Variants in DENND1B observed in about 807,000 individuals in gnomAD.
DENND1B encodes the protein DENN domain containing 1B, also known as DENN domain-containing protein 1B.
DENND1B carries 59 observed loss-of-function variants against 90.1 expected under a neutral mutation model. The observed-to-expected ratio is 0.65, with a 90% CI of 0.53 to 0.81. The LOEUF (loss-of-function observed/expected upper bound fraction) is 0.81, where lower values mean the gene tolerates loss of function less well. Among genes scored for constraint, DENND1B ranks in the 40% least tolerant of loss-of-function variants. DENND1B has a pLI of 0.00. For synonymous variants in DENND1B, 337 were observed against 324.6 expected, an observed-to-expected ratio of 1.04 and a Z score of -0.41; for missense variants, 862 against 912.6, an observed-to-expected ratio of 0.94 and a Z score of 0.71.
intron 2 of DENND1B, among the ~76,000 whole-genome samples, chr1:197,750,706 G>A (rs1450088232): frequency 6.6e-6 from 1 of 152,130 alleles, no homozygotes; most frequent in Non-Finnish European, 1.5e-5. Flanking sequence ...AGGCAGAGCA[G>A]TTCTATTCAT....
chr1:197,751,712 C>T (rs1316837897), intron 2 of DENND1B, among the ~76,000 whole-genome samples: 1 of 151,824 alleles, frequency 6.6e-6, no homozygotes, highest in African/African-American at 2.4e-5. Flanking sequence ...GGCGTGGTAG[C>T]ATGTGCCTCT....
chr1:197,690,355 C>T (rs139889850), intron 3 of DENND1B: 56 of 171,552 alleles, frequency 3.3e-4, no homozygotes, highest in African/African-American at 1.3e-3. Flanking sequence ...TGTCACACAG[C>T]TTATGTTGCT....
chr1:197,574,856 T>A (rs1461869688), intron 15 of DENND1B, among the ~76,000 whole-genome samples: 2 of 152,196 alleles, frequency 1.3e-5, no homozygotes, highest in Non-Finnish European at 2.9e-5. Flanking sequence ...ATTCCCGATT[T>A]AATAAATGGT....
At chr1:197,779,045 T>A (rs1418382664), upstream of DENND1B, among the ~76,000 whole-genome samples, 2 of 152,204 alleles carry the variant, frequency 1.3e-5, no homozygotes, top group Non-Finnish European at 2.9e-5. Context: ...CCATGTTTGT[T>A]TAGATTTACT....
At chr1:197,590,404 C>A (rs899242712) in intron 14 of DENND1B, among the ~76,000 whole-genome samples, 4 of 152,098 alleles carry the variant, frequency 2.6e-5, no homozygotes, top group Non-Finnish European at 4.4e-5. Context: ...TTTTATCTCA[C>A]ATTTTTCAAT....
At chr1:197,727,819 A>G (rs1169628120) in intron 2 of DENND1B, among the ~76,000 whole-genome samples, 3 of 152,190 alleles carry the variant, frequency 2.0e-5, no homozygotes, top group African/African-American at 7.2e-5. Context: ...TCCACTAAAA[A>G]AAGACACATC....
intron 11 of DENND1B, among the ~76,000 whole-genome samples, chr1:197,614,509 A>G (rs747938924): frequency 1.3e-5 from 2 of 151,030 alleles, no homozygotes; most frequent in African/African-American, 4.8e-5. Context: ...TCTTGGCAAC[A>G]CAGATGTTTT....
intron 2 of DENND1B, among the ~76,000 whole-genome samples, chr1:197,752,107 CTCTCTGAAAATA>C (rs1271208619): frequency 6.6e-6 from 1 of 151,542 alleles, no homozygotes; most frequent in Non-Finnish European, 1.5e-5. Flanking sequence ...ACTCTATTGG[CTCTCTGAAAATA>C]TTAATGAAAT....
chr1:197,753,771 C>A (rs897381506), intron 2 of DENND1B, among the ~76,000 whole-genome samples: 16 of 152,174 alleles, frequency 1.1e-4, no homozygotes, highest in Middle Eastern at 3.4e-3. Context: ...AAGGCCCAGG[C>A]AGGCAGATCG....
At position 197,539,976 on chromosome 1, in the gene DENND1B, A is replaced by C. The variant is rs149022396; in HGVS notation, c.1503T>G (p.Arg501=). The C allele has an allele frequency of 7.4e-5, 120 of 1,612,502 alleles. No individual in the cohort carries two copies. The highest frequency in any genetic ancestry group is 9.9e-5 in the Non-Finnish European group (117 of 1,178,940). Residue 501 remains arginine (R), a synonymous_variant, in exon 20 of 23, where the codon CGT becomes CGG. Coordinates refer to ENST00000620048, the MANE Select transcript of DENND1B (RefSeq NM_001195215.2). The part of the protein sequence containing the change: ...HNEKGGNSEK[R]KLAQARLKRP... The stretch of plus-strand genomic sequence containing the variant: ...TAACCTTACTTACCTGAGCAAGCTT[A>C]CGCTTTTCTGAGTTTCCTCCCTTTT...
At chr1:197,765,308 C>CAATGTTAAAAA (rs1655568979) in intron 2 of DENND1B, among the ~76,000 whole-genome samples, 3 of 152,086 alleles carry the variant, frequency 2.0e-5, no homozygotes, top group African/African-American at 7.2e-5. Context: ...AAGCTTATTT[C>CAATGTTAAAAA]CAAGGAAGAA....
In DENND1B at chr1:197,509,618, A is replaced by G. The variant is rs1423189310; in HGVS notation, c.*842T>C. On this transcript the variant is annotated 3_prime_UTR_variant, in exon 23 of 23. Transcript: ENST00000620048. ...GCATTTTGATAGAGAATTATTAGTT[A>G]AAAAAAGATTTTTTTTTTTTTTTTT... The G allele has an allele frequency of 9.0e-6, 1 of 110,676 alleles. No individual in the cohort carries two copies. The highest frequency in any genetic ancestry group is 3.5e-5 in the African/African-American group (1 of 28,318). 6.9% of individuals were successfully genotyped at this position (110,676 alleles called of 1,614,324 possible). A position where few individuals can be genotyped will look rare whatever the true frequency, so the allele number is the denominator to read the frequency against.
At chr1:197,714,982 A>G (rs962434872) in intron 3 of DENND1B, 49 bp downstream of exon 3, 2 of 1,389,092 alleles carry the variant, frequency 1.4e-6, no homozygotes, top group Non-Finnish European at 2.0e-6. Context: ...AGTAGCAACA[A>G]TCATAATACT....
At chr1:197,560,011 T>C (rs1166449938) in intron 15 of DENND1B, among the ~76,000 whole-genome samples, 1 of 151,926 alleles carries the variant, frequency 6.6e-6, no homozygotes, top group Non-Finnish European at 1.5e-5. Context: ...GGCTCCAGTA[T>C]ACTAAATTAG....
intron 15 of DENND1B, among the ~76,000 whole-genome samples, chr1:197,563,160 T>C (rs1033545819): frequency 2.6e-5 from 4 of 151,974 alleles, no homozygotes; most frequent in African/African-American, 7.2e-5. Context: ...ATCCAAAAGA[T>C]CTAGCTAAGA....
chr1:197,534,852 T>A (rs1023188326), intron 20 of DENND1B, among the ~76,000 whole-genome samples: 3 of 152,166 alleles, frequency 2.0e-5, no homozygotes, highest in Admixed American at 1.3e-4. Flanking sequence ...CCAATATTAT[T>A]ATACTTGGAG....
intron 20 of DENND1B, among the ~76,000 whole-genome samples, chr1:197,515,873 T>C (rs186911340): frequency 1.3e-5 from 2 of 151,948 alleles, no homozygotes; most frequent in East Asian, 3.9e-4. Context: ...ACTTATGTCT[T>C]TCCCTATTGT....
chr1:197,765,901 G>C (rs1012603691), intron 2 of DENND1B, among the ~76,000 whole-genome samples: 1 of 152,218 alleles, frequency 6.6e-6, no homozygotes, highest in African/African-American at 2.4e-5. Context: ...ATACTGAACA[G>C]TGAAATTTGA....
At position 197,750,757 on chromosome 1, in the gene DENND1B, AAACC is replaced by A. The variant is rs146526723; in HGVS notation, c.82+22107_82+22110del. On this transcript the variant is annotated intron_variant, in intron 2 of 22. Coordinates refer to ENST00000620048, the MANE Select transcript of DENND1B (RefSeq NM_001195215.2). ...AAAAGCATCACAAGCAAATTTCTGA[AAACC>A]ACAATAAAGAAACAACCTTTTGAAC... Among the ~76,000 whole-genome samples the A allele has an allele frequency of 5.0e-3, 764 of 152,320 alleles. 8 individuals carry two copies. Among genetic ancestry groups the A allele is most frequent in the African/African-American group, 0.017 (707 of 41,578 alleles).
Sources: gnomAD v4.1 joint callset for allele counts (sites outside exome capture counted in the v4.1 genomes callset) on GRCh38, gnomAD v4.1.1 for gene constraint, MANE v1.5 for transcripts, NCBI Gene and HGNC (gene_info 2026-07-23, HGNC 2026-07-21) for gene names.